The following NOLC1 variants were observed in gnomAD, a reference collection of about 807,000 sequenced individuals.
NOLC1 encodes the protein 140 kDa nucleolar phosphoprotein.
A neutral mutation model predicts 73.4 loss-of-function variants in NOLC1; 37 were observed. The ratio of observed to expected loss-of-function variants is 0.50; its 90% CI spans 0.39 to 0.66. The LOEUF (loss-of-function observed/expected upper bound fraction) is 0.66. Among genes scored for constraint, NOLC1 ranks in the 30% least tolerant of loss-of-function variants. NOLC1 has a pLI of 0.00. For synonymous variants in NOLC1, 327 were observed against 302.6 expected (o/e 1.08, Z -0.84); for missense variants, 921 against 838.9 (o/e 1.10, Z -1.21).
In NOLC1 at chr10:102,160,129, G is replaced by A. The variant is rs115973583; in HGVS notation, c.989-104G>A. The A allele has an allele frequency of 7.7e-4, 1,219 of 1,589,544 alleles. 7 individuals carry two copies. The African/African-American group carries it at 0.015, about 20-fold the overall frequency. On this transcript the variant is annotated intron_variant, in intron 8 of 12. Transcript: ENST00000605788. ...ATCCTTCGGTTGCTTTTTGCTTAAA[G>A]CAAGACAGAGCTAAGGCTCTGTGCG...
Position 102,157,425 on chromosome 10 carries a change from G to T in NOLC1, c.317-6G>T, listed in dbSNP as rs988064788. The T allele has an allele frequency of 6.2e-7, 1 of 1,614,048 alleles. No homozygotes were observed. Among genetic ancestry groups the T allele is most frequent in the Non-Finnish European group, 8.5e-7 (1 of 1,179,952 alleles). On this transcript the variant is annotated splice_region_variant and splice_polypyrimidine_tract_variant and intron_variant, in intron 3 of 12. Coordinates refer to ENST00000605788, the MANE Select transcript of NOLC1 (RefSeq NM_004741.5). ...GATTCTTACTGGGACCTGTGTGTTT[G>T]TTCAGCTGTACCTGCCAAGCGAGTC...
At chr10:102,160,123 C>T (rs2069675020) in intron 8 of NOLC1, 99 bp downstream of exon 8, 1 of 1,587,286 alleles carries the variant, frequency 6.3e-7, no homozygotes, top group Admixed American at 1.8e-5. Context: ...TTGCTTTTTG[C>T]TTAAAGCAAG....
chr10:102,162,311 C>G lies in NOLC1; in HGVS notation c.*42C>G. The G allele has an allele frequency of 6.3e-7, 1 of 1,598,210 alleles. No individual in the cohort carries two copies. The highest frequency in any genetic ancestry group is 8.5e-7 in the Non-Finnish European group (1 of 1,170,394). ...GTGAAGCAAGGGTGATGATCGGAGACTACTTACTTTCTCCAGTGGACCTGG... is the reference window on the plus strand; with the variant it reads ...GTGAAGCAAGGGTGATGATCGGAGAGTACTTACTTTCTCCAGTGGACCTGG... On this transcript the variant is annotated 3_prime_UTR_variant, in exon 13 of 13. Coordinates refer to ENST00000605788, the MANE Select transcript of NOLC1 (RefSeq NM_004741.5).
rs1205025488 is a variant in NOLC1, at chr10:102,161,932, G to C, written c.1941+7G>C. 1 of 1,613,690 alleles carries C rather than the reference G, an allele frequency of 6.2e-7. No individual in the cohort carries two copies. The highest frequency in any genetic ancestry group is 1.7e-5 in the Admixed American group (1 of 60,024). The stretch of plus-strand genomic sequence containing the variant: ...CAACTCCTTTGATGCCAAGGTGAGA[G>C]AGAGATCTGTGCCATTCTTGGGAGG... On this transcript the variant is annotated splice_region_variant and intron_variant, in intron 12 of 12. Coordinates refer to ENST00000605788, the MANE Select transcript of NOLC1 (RefSeq NM_004741.5).
At position 102,160,723 on chromosome 10, in the gene NOLC1, G is replaced by C. The variant is rs1292042479; in HGVS notation, c.1371G>C (p.Leu457=). 6.2e-7 allele frequency: 1 copy of C among 1,614,006 alleles called. No individual in the cohort carries two copies. Among genetic ancestry groups the C allele is most frequent in the African/African-American group, 1.3e-5 (1 of 74,918 alleles). The change falls in exon 10 of 13, where the codon CTG becomes CTC. Residue 457 remains leucine, a synonymous_variant. Coordinates refer to ENST00000605788, the MANE Select transcript of NOLC1 (RefSeq NM_004741.5). ...CGACTGCCAAAGCAGCTCTATCTCT[G>C]CCTGCCAAGCAGGCTCCTCAGGGTA... ...PKATAKAALS[L]PAKQAPQGSR...
intron 5 of NOLC1, 50 bp from the exon 6 acceptor site, chr10:102,159,143 C>T (rs954161979): frequency 1.3e-6 from 2 of 1,589,010 alleles, no homozygotes; most frequent in Non-Finnish European, 8.6e-7. Context: ...TTTTCATGGT[C>T]CTGACTTGCC....
intron 1 of NOLC1, among the ~76,000 whole-genome samples, chr10:102,153,649 T>C (rs539175318): frequency 1.6e-4 from 24 of 151,366 alleles, no homozygotes; most frequent in African/African-American, 2.4e-4. Context: ...CTGGATGGAA[T>C]TGGACATTTC....
intron 1 of NOLC1, among the ~76,000 whole-genome samples, chr10:102,153,348 A>G (rs2069537488): frequency 6.6e-6 from 1 of 152,200 alleles, no homozygotes; most frequent in South Asian, 2.1e-4. Flanking sequence ...AAACACATGT[A>G]AGAGTAAGAG....
intron 1 of NOLC1, among the ~76,000 whole-genome samples, chr10:102,154,725 C>T (rs965762892): frequency 1.3e-5 from 2 of 152,116 alleles, no homozygotes; most frequent in Non-Finnish European, 2.9e-5. Context: ...GATGGGGTTT[C>T]ACCATACCAG....
At chr10:102,155,174 C>T (rs930641643) in intron 1 of NOLC1, among the ~76,000 whole-genome samples, 2 of 151,760 alleles carry the variant, frequency 1.3e-5, no homozygotes, top group Admixed American at 6.6e-5. Flanking sequence ...TACAGGCATG[C>T]GCCACCACGC....
chr10:102,161,778 GGA>G, intron 11 of NOLC1, 53 bp from the exon 12 acceptor site: 6 of 1,558,554 alleles, frequency 3.8e-6, no homozygotes, highest in Non-Finnish European at 5.3e-6. Flanking sequence ...GTATCACTCA[GGA>G]GAACTGTTAC....
chr10:102,155,187 A>G (rs561496409), intron 1 of NOLC1, among the ~76,000 whole-genome samples: 1 of 150,982 alleles, frequency 6.6e-6, no homozygotes, highest in East Asian at 2.0e-4. Context: ...CACCACGCCC[A>G]GCTAATTTTG....
chr10:102,155,088 TCTCGG>T (rs1321669328), intron 1 of NOLC1, among the ~76,000 whole-genome samples: 8 of 148,626 alleles, frequency 5.4e-5, no homozygotes, highest in Non-Finnish European at 1.2e-4. Flanking sequence ...AATGGTGCAA[TCTCGG>T]CTCACCACAA....
At chr10:102,152,603 TC>T in intron 1 of NOLC1, 73 bp downstream of exon 1, 1 of 1,595,418 alleles carries the variant, frequency 6.3e-7, no homozygotes, top group Non-Finnish European at 8.5e-7. Flanking sequence ...TGCTTAGGTT[TC>T]CAGGTGGGGA....
intron 4 of NOLC1, 115 bp from the exon 5 acceptor site, chr10:102,157,934 A>C: frequency 2.1e-6 from 2 of 936,640 alleles, no homozygotes; most frequent in Non-Finnish European, 3.2e-6. Flanking sequence ...TCCTGTCCTT[A>C]GCTTTCTTTT....
rs1403400733 is a variant in NOLC1 at position 102,157,251 on chromosome 10, A to G, written c.239A>G (p.Lys80Arg). The G allele has an allele frequency of 3.7e-6, 6 of 1,614,244 alleles. No individual in the cohort carries two copies. The highest frequency in any genetic ancestry group is 1.1e-5 in the South Asian group (1 of 91,078). The change falls in exon 3 of 13, where the codon AAG becomes AGG. Residue 80 changes from lysine to arginine, a missense_variant. Coordinates refer to ENST00000605788, the MANE Select transcript of NOLC1 (RefSeq NM_004741.5). ...GGACCAGTGGCTAAGAAAGCTAAGA[A>G]GAAGGCCTCATCCAGTGACAGTGAG... ...ANGPVAKKAK[K>R]KASSSDSEDS...
intron 6 of NOLC1, 44 bp downstream of exon 6, chr10:102,159,352 G>T (rs1308844345): frequency 5.6e-6 from 9 of 1,613,834 alleles, no homozygotes; most frequent in Non-Finnish European, 7.6e-6. Context: ...ACCAGGGTGT[G>T]ATGTGTGTGT....
intron 1 of NOLC1, among the ~76,000 whole-genome samples, chr10:102,153,833 C>T (rs1469763844): frequency 4.6e-5 from 7 of 151,418 alleles, no homozygotes; most frequent in East Asian, 2.0e-4. Flanking sequence ...CCACCACGCC[C>T]GGCTAATTTT....
intron 6 of NOLC1, 40 bp downstream of exon 6, chr10:102,159,348 G>T: frequency 6.2e-7 from 1 of 1,613,848 alleles, no homozygotes; most frequent in Non-Finnish European, 8.5e-7. Context: ...GGTGACCAGG[G>T]TGTGATGTGT....
Sources: allele counts gnomAD v4.1 joint callset (sites outside exome capture counted in the v4.1 genomes callset), GRCh38; gene constraint gnomAD v4.1.1; transcripts MANE v1.5; gene names NCBI Gene and HGNC (gene_info 2026-07-23, HGNC 2026-07-21).